DACH2: variants seen among roughly 807,000 people sequenced by gnomAD.
DACH2 encodes dachshund family transcription factor 2, also known as dachshund homolog 2.
A neutral mutation model predicts 35.8 loss-of-function variants in DACH2; 17 were observed. The observed-to-expected ratio is 0.48, with a 90% CI of 0.33 to 0.71. DACH2 has a LOEUF of 0.71. DACH2 is among the 30% of genes least tolerant of loss of function. The probability of loss-of-function intolerance (pLI) is 0.02; values close to 1 mark genes in which losing one functional copy is unlikely to be tolerated. For missense variants in DACH2, 469 were observed against 472.7 expected, an observed-to-expected ratio of 0.99 and a Z score of 0.07; for synonymous variants, 195 against 177.3, an observed-to-expected ratio of 1.10 and a Z score of -0.79.
intron 4 of DACH2, among the ~76,000 whole-genome samples, chrX:86,656,029 T>TCCC (rs66532210): frequency 1.2e-5 from 1 of 81,646 alleles, no homozygotes. Flanking sequence ...GAAATAAAGC[T>TCCC]CCCCCCCCCC....
At chrX:86,497,940 G>C (rs766268484) in intron 2 of DACH2, among the ~76,000 whole-genome samples, 1 of 111,533 alleles carries the variant, frequency 9.0e-6, no homozygotes, top group African/African-American at 3.3e-5. Context: ...GTTGCAGAGA[G>C]CTGAGATCGT....
intron 2 of DACH2, among the ~76,000 whole-genome samples, chrX:86,455,459 T>C (rs1251639463): frequency 9.0e-6 from 1 of 111,444 alleles, no homozygotes; most frequent in Non-Finnish European, 1.9e-5. Context: ...AGATCAGAGC[T>C]CTGTTCATAT....
chrX:86,712,883 T>C, intron 5 of DACH2, among the ~76,000 whole-genome samples: 1 of 111,392 alleles, frequency 9.0e-6, no homozygotes, highest in Non-Finnish European at 1.9e-5. Flanking sequence ...GTACAGAGAA[T>C]GTTTCCTTTC....
intron 1 of DACH2, among the ~76,000 whole-genome samples, chrX:86,371,067 A>G (rs1320864544): frequency 9.0e-6 from 1 of 111,258 alleles, no homozygotes; most frequent in Non-Finnish European, 1.9e-5. Flanking sequence ...GAAACTGCTG[A>G]GGCTCCTCGG....
intron 6 of DACH2, among the ~76,000 whole-genome samples, chrX:86,718,644 T>G (rs895572302): frequency 8.9e-6 from 1 of 111,973 alleles, no homozygotes. Flanking sequence ...CATGTTGAGT[T>G]GATTTTTGAA....
intron 4 of DACH2, among the ~76,000 whole-genome samples, chrX:86,655,851 C>A (rs1407105150): frequency 1.8e-5 from 2 of 111,033 alleles, no homozygotes; most frequent in African/African-American, 3.3e-5. Flanking sequence ...CAAAAAGATT[C>A]AATTGTAGGA....
At chrX:86,235,411 T>C (rs2033037806) in intron 1 of DACH2, among the ~76,000 whole-genome samples, 1 of 112,504 alleles carries the variant, frequency 8.9e-6, no homozygotes, top group African/African-American at 3.2e-5. Context: ...TCTTTACACA[T>C]GCGTTTCCCC....
intron 2 of DACH2, among the ~76,000 whole-genome samples, chrX:86,474,156 A>G (rs2037804586): frequency 8.9e-6 from 1 of 111,990 alleles, no homozygotes; most frequent in East Asian, 2.8e-4. Context: ...TGCCATTTGT[A>G]TATCTGCTTT....
At chrX:86,741,534 G>A (rs2041655849) in intron 7 of DACH2, among the ~76,000 whole-genome samples, 1 of 111,777 alleles carries the variant, frequency 8.9e-6, no homozygotes, top group African/African-American at 3.2e-5. Context: ...GTCCCTCAGA[G>A]AGTAAGTTTA....
chrX:86,286,850 T>G (rs768479468), intron 1 of DACH2, among the ~76,000 whole-genome samples: 1 of 112,195 alleles, frequency 8.9e-6, no homozygotes, highest in Non-Finnish European at 1.9e-5. Flanking sequence ...TAGTTGTAGT[T>G]ATTATTTTTT....
intron 7 of DACH2, among the ~76,000 whole-genome samples, chrX:86,810,501 T>G (rs186738689): frequency 8.9e-6 from 1 of 111,916 alleles, no homozygotes; most frequent in African/African-American, 3.2e-5. Context: ...ATTAATACTT[T>G]AAGATTTATA....
intron 10 of DACH2, 142 bp downstream of exon 10, chrX:86,814,976 G>C (rs1370284903): frequency 1.5e-6 from 1 of 664,467 alleles, no homozygotes; most frequent in African/African-American, 2.2e-5. Flanking sequence ...GTCCAGGAAT[G>C]ATTAAAAAAT....
chrX:86,552,442 A>G (rs774821829), intron 3 of DACH2, among the ~76,000 whole-genome samples: 60 of 112,154 alleles, frequency 5.3e-4, no homozygotes, highest in African/African-American at 1.8e-3. Flanking sequence ...TATTCATTGC[A>G]TTAGGCATGG....
intron 1 of DACH2, among the ~76,000 whole-genome samples, chrX:86,282,375 C>G (rs997299482): frequency 2.4e-4 from 27 of 111,452 alleles, no homozygotes; most frequent in African/African-American, 8.8e-4. Flanking sequence ...TGATCTTTGA[C>G]AAACCTGACA....
chrX:86,700,750 A>G (rs1019316512), intron 5 of DACH2, among the ~76,000 whole-genome samples: 9 of 111,465 alleles, frequency 8.1e-5, no homozygotes, highest in African/African-American at 2.9e-4. Flanking sequence ...GAAAATTTAG[A>G]AGAAATTGAT....
chrX:86,517,176 T>C (rs1239103007), intron 3 of DACH2, among the ~76,000 whole-genome samples: 1 of 111,578 alleles, frequency 9.0e-6, no homozygotes, highest in Non-Finnish European at 1.9e-5. Context: ...CCACCAACAA[T>C]GTATAAGTGT....
intron 1 of DACH2, among the ~76,000 whole-genome samples, chrX:86,355,609 T>C (rs1410397080): frequency 1.8e-5 from 2 of 111,592 alleles, no homozygotes; most frequent in Non-Finnish European, 3.8e-5. Context: ...AGCTCACTGC[T>C]GCCTCCACCT....
intron 1 of DACH2, among the ~76,000 whole-genome samples, chrX:86,272,444 A>G (rs1435191877): frequency 1.8e-5 from 2 of 111,601 alleles, no homozygotes; most frequent in African/African-American, 6.5e-5. Context: ...TACAGGTAAG[A>G]CAACAGCAGC....
chrX:86,714,532 G>A lies in DACH2; in HGVS notation c.932-16G>A. The A allele has an allele frequency of 8.6e-7, 1 of 1,165,398 alleles. No homozygotes were observed. The highest frequency in any genetic ancestry group is 1.9e-5 in the South Asian group (1 of 51,363). ...AATCATAATGTAACAAGTTTAATAT[G>A]CACTGTCTCTTTTAGGACTGGATCT... On this transcript the variant is annotated splice_polypyrimidine_tract_variant and intron_variant, in intron 5 of 11. Coordinates refer to ENST00000373125, the MANE Select transcript of DACH2 (RefSeq NM_053281.3).
Sources: allele counts gnomAD v4.1 joint callset (sites outside exome capture counted in the v4.1 genomes callset), GRCh38; gene constraint gnomAD v4.1.1; transcripts MANE v1.5; gene names NCBI Gene and HGNC (gene_info 2026-07-23, HGNC 2026-07-21).